KIF18B: variants seen among roughly 807,000 people sequenced by gnomAD.
KIF18B encodes kinesin family member 18B.
In KIF18B, 49 loss-of-function variants were observed where a neutral mutation model predicts 80.9. The ratio of observed to expected loss-of-function variants is 0.61; its 90% CI spans 0.48 to 0.77. The LOEUF (loss-of-function observed/expected upper bound fraction) is 0.77, where lower values mean the gene tolerates loss of function less well. KIF18B is among the 30% of genes least tolerant of loss of function. KIF18B has a pLI of 0.00. For missense variants in KIF18B, 994 were observed against 1,127.7 expected (o/e 0.88, Z 1.70); for synonymous variants, 439 against 463.9 (o/e 0.95, Z 0.69).
chr17:44,932,404 C>T, intron 9 of KIF18B, 198 bp from the exon 10 acceptor site: 1 of 624,190 alleles, frequency 1.6e-6, no homozygotes, highest in Non-Finnish European at 2.7e-6. Flanking sequence ...CAGGGATTTT[C>T]TGGTTTGAGA....
intron 9 of KIF18B, 98 bp downstream of exon 9, chr17:44,932,575 G>T: frequency 1.3e-6 from 1 of 758,368 alleles, no homozygotes. Context: ...TGGAGCAGAA[G>T]CAAGGAGTCC....
At chr17:44,933,263 A>G (rs1240795366) in intron 7 of KIF18B, among the ~76,000 whole-genome samples, 4 of 151,884 alleles carry the variant, frequency 2.6e-5, no homozygotes, top group African/African-American at 9.7e-5. Flanking sequence ...GGAGGAAGAG[A>G]GGGGTCAAGC....
chr17:44,928,789 A>C (rs200142587), intron 12 of KIF18B, 30 bp downstream of exon 12: 12 of 1,604,868 alleles, frequency 7.5e-6, no homozygotes, highest in Non-Finnish European at 1.0e-5. Context: ...CACCTTGAAG[A>C]CAGGCAGGGG....
chr17:44,938,316 C>T (rs576957204), intron 1 of KIF18B, among the ~76,000 whole-genome samples: 1 of 152,208 alleles, frequency 6.6e-6, no homozygotes, highest in African/African-American at 2.4e-5. Flanking sequence ...GCACCTGGCC[C>T]TCCCAATATA....
Position 44,936,124 on chromosome 17 carries a change from C to T in KIF18B, c.221G>A (p.Arg74Gln). 4 of 1,613,842 alleles carry T rather than the reference C, an allele frequency of 2.5e-6. No individual in the cohort carries two copies. Among genetic ancestry groups the T allele is most frequent in the Admixed American group, 1.7e-5 (1 of 60,020 alleles). ...KGKDLTFVFD[R>Q]VFGEAATQQD... ...TTGGGTGGCCGCCTCGCCAAAGACCCGGTCAAAGACAAACGTCAGGTCTTT... is the reference window on the plus strand; with the variant it reads ...TTGGGTGGCCGCCTCGCCAAAGACCTGGTCAAAGACAAACGTCAGGTCTTT... The change falls in exon 2 of 16, where the codon CGG becomes CAG. Residue 74 changes from arginine to glutamine, a missense_variant. Arg to Gln is a conservative substitution (Grantham distance 43, BLOSUM62 1). Transcript: ENST00000593135.
rs760539140 is a variant in KIF18B, at chr17:44,932,226, A to C, written c.1239-20T>G. Reference sequence around the variant, plus strand: ...GGCTGGCTGGGAGGGTGGGGTGGCAAGGGGGAGCTGGGAAGGCTAAGCGGG... The same window carrying C: ...GGCTGGCTGGGAGGGTGGGGTGGCACGGGGGAGCTGGGAAGGCTAAGCGGG... On this transcript the variant is annotated intron_variant, in intron 9 of 15. Transcript: ENST00000593135. 1.3e-6 allele frequency: 2 copies of C among 1,568,050 alleles called. No individual in the cohort carries two copies. The highest frequency in any genetic ancestry group is 1.7e-6 in the Non-Finnish European group (2 of 1,154,680).
At chr17:44,935,125 G>T in intron 3 of KIF18B, 134 bp downstream of exon 3, 1 of 983,646 alleles carries the variant, frequency 1.0e-6, no homozygotes, top group Non-Finnish European at 1.5e-6. Context: ...ATCTCACTGA[G>T]CAGTATCTAT....
At chr17:44,931,808 C>T (rs908142911) in intron 10 of KIF18B, 79 bp from the exon 11 acceptor site, 10 of 1,554,272 alleles carry the variant, frequency 6.4e-6, no homozygotes, top group Non-Finnish European at 7.8e-6. Context: ...AAAATCCTTC[C>T]CTCCTACAAG....
At chr17:44,941,144 G>A (rs752581690) in intron 1 of KIF18B, among the ~76,000 whole-genome samples, 1 of 152,088 alleles carries the variant, frequency 6.6e-6, no homozygotes, top group Admixed American at 6.5e-5. Context: ...GTGAGTGATG[G>A]AGCCCCATTC....
At position 44,937,898 on chromosome 17, in the gene KIF18B, A is replaced by G. The variant is rs543218829; in HGVS notation, c.-14-1540T>C. Among the ~76,000 whole-genome samples, 10 of 151,762 alleles carry G rather than the reference A, an allele frequency of 6.6e-5. No individual in the cohort carries two copies. The South Asian group carries it at 1.3e-3, about 19-fold the overall frequency. On this transcript the variant is annotated intron_variant, in intron 1 of 15. Coordinates refer to ENST00000593135, the MANE Select transcript of KIF18B (RefSeq NM_001265577.2). ...TACAAGTAGTCTTTATAACATTAGC[A>G]ATTTCTTCTATTCTTGTTTTACTTG...
At chr17:44,946,401 C>A (rs974581565) in intron 1 of KIF18B, among the ~76,000 whole-genome samples, 1 of 152,078 alleles carries the variant, frequency 6.6e-6, no homozygotes, top group African/African-American at 2.4e-5. Context: ...GCATGGGATG[C>A]AGTGACTGGG....
At position 44,925,249 on chromosome 17, in the gene KIF18B, CAG is replaced by C. The variant is rs1389120733; in HGVS notation, c.*829_*830del. ...GTGGATCATGAGGTCAGATCGAGAC[CAG>C]CCTGGCTAACACGGTGAAACCCCAT... On this transcript the variant is annotated 3_prime_UTR_variant, in exon 16 of 16. Coordinates refer to ENST00000593135, the MANE Select transcript of KIF18B (RefSeq NM_001265577.2). 1 of 152,192 alleles carries C rather than the reference CAG, an allele frequency of 6.6e-6. No individual in the cohort carries two copies. Among genetic ancestry groups the C allele is most frequent in the Admixed American group, 6.6e-5 (1 of 15,266 alleles). The allele number at this position is 152,192 out of a possible 1,614,324, so 9.4% of individuals were successfully genotyped here.
intron 11 of KIF18B, among the ~76,000 whole-genome samples, chr17:44,929,538 C>A (rs2145679625): frequency 6.6e-6 from 1 of 152,298 alleles, no homozygotes; most frequent in South Asian, 2.1e-4. Flanking sequence ...GTCTCCACAA[C>A]CTTAGAATGG....
At chr17:44,939,365 T>TTAAAAAAA (rs2052372331) in intron 1 of KIF18B, among the ~76,000 whole-genome samples, 1 of 17,906 alleles carries the variant, frequency 5.6e-5, no homozygotes, top group Non-Finnish European at 9.2e-5. Flanking sequence ...AGACTCCATC[T>TTAAAAAAA]CAAAAAAAAA....
At chr17:44,944,548 C>T (rs1373139) in intron 1 of KIF18B, among the ~76,000 whole-genome samples, 99,359 of 152,096 alleles carry the variant, frequency 0.65, 34,031 homozygotes, top group African/African-American at 0.88. Flanking sequence ...GCGCTTGGCC[C>T]GACTTGTAAT....
rs1310686646 is a variant in KIF18B, at chr17:44,934,036, C to T, written c.949G>A (p.Gly317Arg). Residue 317 changes from glycine to arginine, a missense_variant, in exon 7 of 16, where the codon GGG becomes AGG. Physicochemically the swap from Gly to Arg is moderately radical, Grantham distance 125. Coordinates refer to ENST00000593135, the MANE Select transcript of KIF18B (RefSeq NM_001265577.2). The surrounding 1 kb of genome is among the most constrained non-coding windows in gnomAD (Gnocchi z 5.4). ...KLTRLLKDSL[G>R]GNCRTVMIAA... Reference sequence around the variant, plus strand: ...ATCATCACTGTGCGGCAGTTGCCCCCGAGGGAGTCTTTGAGCAGGCGGGTC... The same window carrying T: ...ATCATCACTGTGCGGCAGTTGCCCCTGAGGGAGTCTTTGAGCAGGCGGGTC... The T allele has an allele frequency of 2.5e-6, 4 of 1,612,300 alleles. No individual in the cohort carries two copies. Among genetic ancestry groups the T allele is most frequent in the East Asian group, 4.5e-5 (2 of 44,812 alleles).
intron 1 of KIF18B, among the ~76,000 whole-genome samples, chr17:44,945,381 C>T (rs1374721986): frequency 1.3e-5 from 2 of 152,082 alleles, no homozygotes; most frequent in African/African-American, 4.8e-5. Flanking sequence ...TTATATTCTA[C>T]ATATGTTCTC....
Position 44,928,837 on chromosome 17 carries a change from C to T in KIF18B, c.1705G>A (p.Glu569Lys), listed in dbSNP as rs577195754. 1 of 1,613,750 alleles carries T rather than the reference C, an allele frequency of 6.2e-7. No homozygotes were observed. Among genetic ancestry groups the T allele is most frequent in the African/African-American group, 1.3e-5 (1 of 75,030 alleles). ...GACTCACTTGACTCTGAACACAGCT[C>T]CTGAGCCAGAGGTGCCCCCCTGGCC... is the stretch of plus-strand genomic sequence containing the variant. ...GLARGAPLAQ[E>K]LCSESIPVPS... The change falls in exon 12 of 16, where the codon GAG (glutamate) becomes AAG (lysine). Residue 569 changes from glutamate (E) to lysine (K), a missense_variant. Transcript: ENST00000593135.
At position 44,927,932 on chromosome 17, in the gene KIF18B, A is replaced by C; in HGVS notation, c.2276+94T>G. ...AACAGATAGGAACCGTCCCAGCTCC[A>C]AGGCTGTCCTCCATACTTCTCAGCA... On this transcript the variant is annotated intron_variant, in intron 13 of 15. Coordinates refer to ENST00000593135, the MANE Select transcript of KIF18B (RefSeq NM_001265577.2). This position sits in a 1 kb window ranked among gnomAD's most constrained non-coding sequence, Gnocchi z 4.1. 8.7e-7 allele frequency: 1 copy of C among 1,144,620 alleles called. No homozygotes were observed. The highest frequency in any genetic ancestry group is 1.2e-6 in the Non-Finnish European group (1 of 833,556). 70.9% of individuals were successfully genotyped at this position (1,144,620 alleles called of 1,614,324 possible).
Sources: allele counts gnomAD v4.1 joint callset (sites outside exome capture counted in the v4.1 genomes callset), GRCh38; gene constraint gnomAD v4.1.1; non-coding constraint Gnocchi (gnomAD v3.1); transcripts MANE v1.5; gene names NCBI Gene and HGNC (gene_info 2026-07-23, HGNC 2026-07-21).